INPP5A: variants seen among roughly 807,000 people sequenced by gnomAD.
INPP5A encodes the protein 43 kDa inositol polyphosphate 5-phophatase.
Under a neutral mutation model 65.2 loss-of-function variants are expected in INPP5A, and 14 were observed. The observed-to-expected ratio is 0.21, with a 90% CI of 0.14 to 0.34. The LOEUF (loss-of-function observed/expected upper bound fraction) is 0.34. INPP5A is among the 10% of genes least tolerant of loss of function. INPP5A has a pLI of 1.00. For missense variants in INPP5A, 431 were observed against 545.6 expected, an observed-to-expected ratio of 0.79 and a Z score of 2.09; for synonymous variants, 207 against 208.3, an observed-to-expected ratio of 0.99 and a Z score of 0.05.
chr10:132,708,223 G>A, intron 6 of INPP5A, 90 bp from the exon 7 acceptor site: 2 of 1,146,628 alleles, frequency 1.7e-6, no homozygotes, highest in Non-Finnish European at 2.6e-6. Context: ...TGTTTGGAAA[G>A]CATCTCCTGT....
chr10:132,758,177 C>T (rs1486679290), intron 11 of INPP5A, among the ~76,000 whole-genome samples: 7 of 107,458 alleles, frequency 6.5e-5, no homozygotes, highest in East Asian at 5.7e-4. Flanking sequence ...ACCCATAGCC[C>T]GGCACCATGG....
At chr10:132,589,086 G>C (rs2071584908) in intron 1 of INPP5A, among the ~76,000 whole-genome samples, 1 of 152,236 alleles carries the variant, frequency 6.6e-6, no homozygotes, top group South Asian at 2.1e-4. Flanking sequence ...TTGGAGTGTG[G>C]GGTGTGGTCC....
chr10:132,557,092 G>C (rs921116163), intron 1 of INPP5A, among the ~76,000 whole-genome samples: 31 of 152,218 alleles, frequency 2.0e-4, no homozygotes, highest in Non-Finnish European at 4.4e-5. Flanking sequence ...CGGTTTGGTA[G>C]GTCTGAGTGG....
chr10:132,568,068 G>A (rs1304576850), intron 1 of INPP5A, among the ~76,000 whole-genome samples: 1 of 151,878 alleles, frequency 6.6e-6, no homozygotes, highest in Admixed American at 6.6e-5. Flanking sequence ...GTGCGTGCCT[G>A]TAGTCCCAGC....
rs1230522079 is a variant in INPP5A, at chr10:132,616,967, C to T, written c.117+9011C>T. Among the ~76,000 whole-genome samples, 1 of 152,070 alleles carries T rather than the reference C, an allele frequency of 6.6e-6. No homozygotes were observed. The highest frequency in any genetic ancestry group is 6.5e-5 in the Admixed American group (1 of 15,282). ...TGGGGAGAGGCCGCCTGAGGTCCTT[C>T]GAAGCAGCCTGGGTCTGTCTGCTCC... is the stretch of plus-strand genomic sequence containing the variant. On this transcript the variant is annotated intron_variant, in intron 2 of 15. Coordinates refer to ENST00000368594, the MANE Select transcript of INPP5A (RefSeq NM_005539.5). The surrounding 1 kb of genome is among the most constrained non-coding windows in gnomAD (Gnocchi z 4.9).
In INPP5A at chr10:132,674,479, C is replaced by T. The variant is rs568636644; in HGVS notation, c.307-15913C>T. On this transcript the variant is annotated intron_variant, in intron 4 of 15. Transcript: ENST00000368594. This position sits in a 1 kb window ranked among gnomAD's most constrained non-coding sequence, Gnocchi z 4.4. ...CATACCGTGCAGAACCATCTGTGAA[C>T]CAGGCCCCGGTCTTCTCTTCCTCTG... 3.9e-5 allele frequency among the ~76,000 whole-genome samples: 6 copies of T among 152,330 alleles called. No homozygotes were observed. The South Asian group carries it at 1.2e-3, about 32-fold the overall frequency.
chr10:132,559,854 T>A (rs2071178816), intron 1 of INPP5A, among the ~76,000 whole-genome samples: 1 of 152,276 alleles, frequency 6.6e-6, no homozygotes, highest in Admixed American at 6.5e-5. Context: ...GAATGCTGTT[T>A]ATTGTGCGGA....
chr10:132,677,413 C>G (rs1031251268), intron 4 of INPP5A, among the ~76,000 whole-genome samples: 1 of 152,220 alleles, frequency 6.6e-6, no homozygotes, highest in Non-Finnish European at 1.5e-5. Context: ...GAGAAAGTGC[C>G]GGGTGCATAT....
Position 132,669,756 on chromosome 10 carries a change from G to A in INPP5A, c.306+19251G>A, listed in dbSNP as rs532419454. ...CTAGATGTGCAGCTCCAAGTGAGAT[G>A]TGGGTAGATGCCATTGGGATTTTGG... On this transcript the variant is annotated intron_variant, in intron 4 of 15. Coordinates refer to ENST00000368594, the MANE Select transcript of INPP5A (RefSeq NM_005539.5). 9.2e-5 allele frequency among the ~76,000 whole-genome samples: 14 copies of A among 152,250 alleles called. No homozygotes were observed. The East Asian group carries it at 2.7e-3, about 29-fold the overall frequency.
intron 2 of INPP5A, among the ~76,000 whole-genome samples, chr10:132,631,655 G>T (rs965833821): frequency 1.3e-5 from 2 of 152,184 alleles, no homozygotes; most frequent in African/African-American, 4.8e-5. Context: ...CGTGGCCTGG[G>T]CAGGCCTGTG....
At chr10:132,713,865 G>C (rs561420005) in intron 8 of INPP5A, among the ~76,000 whole-genome samples, 4 of 152,302 alleles carry the variant, frequency 2.6e-5, no homozygotes, top group South Asian at 4.1e-4. Context: ...CACAGGTGGG[G>C]GATGGGGGCC....
At chr10:132,607,044 G>T (rs974684527) in intron 1 of INPP5A, among the ~76,000 whole-genome samples, 2 of 152,240 alleles carry the variant, frequency 1.3e-5, no homozygotes, top group Non-Finnish European at 2.9e-5. Flanking sequence ...GGCGGCTTGT[G>T]CTGAGTGCTC....
intron 1 of INPP5A, among the ~76,000 whole-genome samples, chr10:132,586,841 AGGCC>A (rs2071551329): frequency 2.0e-5 from 3 of 152,210 alleles, no homozygotes; most frequent in Admixed American, 6.5e-5. Context: ...CAGCGCGGCG[AGGCC>A]ACGGTTCTCT....
intron 8 of INPP5A, among the ~76,000 whole-genome samples, chr10:132,713,331 G>A (rs1590947409): frequency 6.6e-6 from 1 of 152,172 alleles, no homozygotes; most frequent in Non-Finnish European, 1.5e-5. Context: ...TTCTCCAGTA[G>A]GTGTGGCTCC....
intron 1 of INPP5A, among the ~76,000 whole-genome samples, chr10:132,562,685 C>T (rs1233807938): frequency 6.6e-6 from 1 of 152,240 alleles, no homozygotes; most frequent in African/African-American, 2.4e-5. Flanking sequence ...GCTTCTCTTT[C>T]CCTCAGAGCC....
At chr10:132,579,669 T>G (rs1404122014) in intron 1 of INPP5A, among the ~76,000 whole-genome samples, 2 of 152,092 alleles carry the variant, frequency 1.3e-5, no homozygotes, top group Non-Finnish European at 2.9e-5. Context: ...CCCTGTCCCT[T>G]TGCTGTAGGT....
chr10:132,746,464 C>T (rs1846373745), intron 9 of INPP5A, among the ~76,000 whole-genome samples: 1 of 152,202 alleles, frequency 6.6e-6, no homozygotes, highest in South Asian at 2.1e-4. Flanking sequence ...GCTCCGTGCA[C>T]ATCCGAATGA....
At chr10:132,774,451 G>A (rs1591005297) in intron 12 of INPP5A, among the ~76,000 whole-genome samples, 2 of 152,236 alleles carry the variant, frequency 1.3e-5, no homozygotes, top group Non-Finnish European at 2.9e-5. Flanking sequence ...CGCTCCTGCC[G>A]CTTCCTCTGA....
In INPP5A at chr10:132,577,783, C is replaced by A. The variant is rs1275179907; in HGVS notation, c.76-30132C>A. Among the ~76,000 whole-genome samples, 3 of 152,190 alleles carry A rather than the reference C, an allele frequency of 2.0e-5. No homozygotes were observed. The East Asian group carries it at 5.8e-4, about 29-fold the overall frequency. On this transcript the variant is annotated intron_variant, in intron 1 of 15. Coordinates refer to ENST00000368594, the MANE Select transcript of INPP5A (RefSeq NM_005539.5). Reference sequence around the variant, plus strand: ...GCGGTGGTTCGTGGCCTCCTAGTGACCTCTCCTGGTCACTGGACAGCAGCC... The same window carrying A: ...GCGGTGGTTCGTGGCCTCCTAGTGAACTCTCCTGGTCACTGGACAGCAGCC...
Sources: gnomAD v4.1 joint callset for allele counts (sites outside exome capture counted in the v4.1 genomes callset) on GRCh38, gnomAD v4.1.1 for gene constraint, Gnocchi (gnomAD v3.1) non-coding constraint, MANE v1.5 for transcripts, NCBI Gene and HGNC (gene_info 2026-07-23, HGNC 2026-07-21) for gene names.